CALN1: variants seen among roughly 807,000 people sequenced by gnomAD.
The protein encoded by CALN1 is calneuron 1, also known as calcium-binding protein 8.
CALN1 carries 17 observed loss-of-function variants against 30.6 expected under a neutral mutation model. The observed-to-expected ratio is 0.56, with a 90% CI of 0.38 to 0.83. CALN1 has a LOEUF of 0.83. Ranked by LOEUF, CALN1 falls within the 40% of genes least tolerant of loss-of-function variation. The pLI is 0.00. For missense variants in CALN1, 291 were observed against 354.9 expected, an observed-to-expected ratio of 0.82 and a Z score of 1.45; for synonymous variants, 156 against 131.4, an observed-to-expected ratio of 1.19 and a Z score of -1.28.
At chr7:72,304,208 T>G (rs1238678866) in intron 2 of CALN1, among the ~76,000 whole-genome samples, 1 of 152,264 alleles carries the variant, frequency 6.6e-6, no homozygotes, top group African/African-American at 2.4e-5. Flanking sequence ...AATAAAGCTA[T>G]TCAATTCAGA....
chr7:72,383,194 T>C (rs949279048), intron 2 of CALN1, among the ~76,000 whole-genome samples: 2 of 152,204 alleles, frequency 1.3e-5, no homozygotes, highest in Admixed American at 6.5e-5. Context: ...TCCATGTCTT[T>C]GCTATTGTGA....
intron 2 of CALN1, among the ~76,000 whole-genome samples, chr7:72,387,915 G>A (rs545119467): frequency 8.5e-5 from 13 of 152,258 alleles, no homozygotes; most frequent in African/African-American, 2.6e-4. Flanking sequence ...GGAGAGGCTG[G>A]TTGGTATAGT....
chr7:72,458,080 T>C, the CALN1 span, among the ~76,000 whole-genome samples: 2 of 144,802 alleles, frequency 1.4e-5, no homozygotes, highest in South Asian at 2.2e-4. Flanking sequence ...TAGTGCCTGG[T>C]ACAGAGTGGC....
chr7:71,959,295 C>T (rs1282176337), intron 5 of CALN1, among the ~76,000 whole-genome samples: 1 of 152,174 alleles, frequency 6.6e-6, no homozygotes, highest in African/African-American at 2.4e-5. Context: ...GTGATCAGTT[C>T]TGAAGTTTGG....
At chr7:72,231,950 G>C (rs1030755777) in intron 3 of CALN1, among the ~76,000 whole-genome samples, 1 of 152,208 alleles carries the variant, frequency 6.6e-6, no homozygotes, top group Non-Finnish European at 1.5e-5. Flanking sequence ...TGTCAGAAAA[G>C]ACGCTGTTGT....
chr7:72,399,416 G>A (rs775989575), intron 2 of CALN1, among the ~76,000 whole-genome samples: 13 of 151,598 alleles, frequency 8.6e-5, no homozygotes, highest in Non-Finnish European at 1.3e-4. Context: ...GACTGTAAGC[G>A]CACACCACCA....
At chr7:71,799,626 C>A (rs1165737673) in intron 6 of CALN1, among the ~76,000 whole-genome samples, 1 of 151,940 alleles carries the variant, frequency 6.6e-6, no homozygotes, top group Non-Finnish European at 1.5e-5. Context: ...CCACCATACC[C>A]AGCTAATTTT....
At chr7:71,915,197 A>C (rs1316349825) in intron 5 of CALN1, among the ~76,000 whole-genome samples, 2 of 152,186 alleles carry the variant, frequency 1.3e-5, no homozygotes, top group East Asian at 3.9e-4. Context: ...TTAGGGGGCC[A>C]AGGTCTCCAG....
intron 3 of CALN1, among the ~76,000 whole-genome samples, chr7:72,270,048 G>A (rs1336022714): frequency 6.6e-6 from 1 of 151,946 alleles, no homozygotes; most frequent in Non-Finnish European, 1.5e-5. Context: ...CTATAAAAAA[G>A]AACCAAATGA....
intron 3 of CALN1, among the ~76,000 whole-genome samples, chr7:72,258,058 C>A (rs1796027734): frequency 6.6e-6 from 1 of 152,090 alleles, no homozygotes; most frequent in Non-Finnish European, 1.5e-5. Context: ...TCAGATATCA[C>A]CACTGAAGAA....
intron 4 of CALN1, among the ~76,000 whole-genome samples, chr7:72,090,497 A>G (rs1231120746): frequency 6.6e-6 from 1 of 152,144 alleles, no homozygotes; most frequent in African/African-American, 2.4e-5. Flanking sequence ...TCAGTGTCCA[A>G]TTTCCCATCC....
intron 2 of CALN1, among the ~76,000 whole-genome samples, chr7:72,320,827 T>TC (rs1348290630): frequency 1.0e-4 from 9 of 88,442 alleles, no homozygotes; most frequent in Admixed American, 9.2e-4. Flanking sequence ...AGAGCGAGAC[T>TC]CCATCTCAAA....
At chr7:72,410,354 A>G (rs1029476369) in intron 1 of CALN1, among the ~76,000 whole-genome samples, 2 of 152,242 alleles carry the variant, frequency 1.3e-5, no homozygotes, top group African/African-American at 4.8e-5. Context: ...AAAGCACAAA[A>G]AAGAAATCTA....
At chr7:72,354,822 T>C (rs1006834045) in intron 2 of CALN1, among the ~76,000 whole-genome samples, 1 of 151,930 alleles carries the variant, frequency 6.6e-6, no homozygotes, top group African/African-American at 2.4e-5. Flanking sequence ...ACCTAAAAGA[T>C]AAAGCCGCAA....
intron 3 of CALN1, among the ~76,000 whole-genome samples, chr7:72,221,312 C>CTTT (rs1174615183): frequency 0.013 from 1,166 of 88,840 alleles, 22 homozygotes; most frequent in African/African-American, 0.036. Flanking sequence ...GTCTTGGCTT[C>CTTT]TTTTTTTTTT....
intron 2 of CALN1, among the ~76,000 whole-genome samples, chr7:72,365,975 C>A (rs1201099069): frequency 6.6e-6 from 1 of 151,918 alleles, no homozygotes; most frequent in Non-Finnish European, 1.5e-5. Context: ...TTCACTAAAT[C>A]CAATTCTAAG....
chr7:72,446,867 C>A (rs1395911689), intron 1 of CALN1, among the ~76,000 whole-genome samples: 1 of 152,132 alleles, frequency 6.6e-6, no homozygotes, highest in East Asian at 1.9e-4. Flanking sequence ...TCCCCTTCCT[C>A]GGAAACCCAT....
intron 4 of CALN1, among the ~76,000 whole-genome samples, chr7:72,070,261 T>C: frequency 6.6e-6 from 1 of 152,162 alleles, no homozygotes; most frequent in Non-Finnish European, 1.5e-5. Context: ...CATCTTTCTC[T>C]CTCCCAAAAC....
intron 4 of CALN1, among the ~76,000 whole-genome samples, chr7:72,099,891 G>A (rs1405984186): frequency 5.3e-5 from 8 of 152,208 alleles, no homozygotes; most frequent in African/African-American, 1.7e-4. Flanking sequence ...TCTGCTTTCA[G>A]CATTGGTAGC....
Sources: gnomAD v4.1 joint callset for allele counts (sites outside exome capture counted in the v4.1 genomes callset) on GRCh38, gnomAD v4.1.1 for gene constraint, MANE v1.5 for transcripts, NCBI Gene and HGNC (gene_info 2026-07-23, HGNC 2026-07-21) for gene names.